SCAF11: variants seen among roughly 807,000 people sequenced by gnomAD.
The protein encoded by SCAF11 is SR-related CTD associated factor 11.
SCAF11 carries 47 observed loss-of-function variants against 140.5 expected under a neutral mutation model. The observed-to-expected ratio is 0.33, with a 90% CI of 0.26 to 0.43. The LOEUF is 0.43. Among genes scored for constraint, SCAF11 ranks in the 20% least tolerant of loss-of-function variants. The probability of loss-of-function intolerance (pLI) is 1.00; values close to 1 mark genes in which losing one functional copy is unlikely to be tolerated. For missense variants in SCAF11, 1,645 were observed against 1,705.1 expected, an observed-to-expected ratio of 0.96 and a Z score of 0.62; for synonymous variants, 557 against 579.4, an observed-to-expected ratio of 0.96 and a Z score of 0.55.
chr12:45,924,749 T>C lies in SCAF11; in HGVS notation c.3885A>G (p.Gln1295=). The C allele has an allele frequency of 1.9e-6, 3 of 1,608,994 alleles. No homozygotes were observed. Among genetic ancestry groups the C allele is most frequent in the Middle Eastern group, 1.7e-4 (1 of 6,052 alleles). ...ATACCTGCAATTGCTTTCCATCTGGTTGTGAAGCAATGTAGTTGACTTGTT... is the reference window on the plus strand; with the variant it reads ...ATACCTGCAATTGCTTTCCATCTGGCTGTGAAGCAATGTAGTTGACTTGTT... ...PSQQVNYIAS[Q]PDGKQLQGIP... is the part of the protein sequence containing the mutation. Residue 1295 remains glutamine, a synonymous_variant, in exon 12 of 15, where the codon CAA becomes CAG. Coordinates refer to ENST00000369367, the MANE Select transcript of SCAF11 (RefSeq NM_004719.3).
At chr12:45,983,786 A>ACACACACACACAC (rs1555172663) in intron 1 of SCAF11, among the ~76,000 whole-genome samples, 4 of 47,358 alleles carry the variant, frequency 8.4e-5, no homozygotes, top group Non-Finnish European at 2.7e-4. Flanking sequence ...CACACACACA[A>ACACACACACACAC]AGACTGAACT....
rs1944713698 is a variant in SCAF11 at position 45,921,553 on chromosome 12, T to C, written c.*495A>G. 2 of 152,336 alleles carry C rather than the reference T, an allele frequency of 1.3e-5. No homozygotes were observed. Among genetic ancestry groups the C allele is most frequent in the African/African-American group, 4.8e-5 (2 of 41,458 alleles). The allele number at this position is 152,336 out of a possible 1,614,324, so 9.4% of individuals were successfully genotyped here. On this transcript the variant is annotated 3_prime_UTR_variant, in exon 15 of 15. Coordinates refer to ENST00000369367, the MANE Select transcript of SCAF11 (RefSeq NM_004719.3). Reference sequence around the variant, plus strand: ...CTTTAAAAATACACATTAGGAACTTTGCAACTGATATGTTCTATTTAATAT... The same window carrying C: ...CTTTAAAAATACACATTAGGAACTTCGCAACTGATATGTTCTATTTAATAT...
intron 13 of SCAF11, 42 bp downstream of exon 13, chr12:45,922,894 C>T (rs1399638028): frequency 6.4e-6 from 10 of 1,554,086 alleles, no homozygotes; most frequent in Middle Eastern, 1.7e-4. Flanking sequence ...TCTCCTTTAT[C>T]ATATACAGAA....
At chr12:45,984,823 T>C (rs1287678930) in intron 1 of SCAF11, among the ~76,000 whole-genome samples, 1 of 152,126 alleles carries the variant, frequency 6.6e-6, no homozygotes, top group East Asian at 1.9e-4. Context: ...GCCTCCCATG[T>C]AGCTGGGATT....
At chr12:45,932,833 G>C (rs920417402) in intron 9 of SCAF11, among the ~76,000 whole-genome samples, 1 of 152,064 alleles carries the variant, frequency 6.6e-6, no homozygotes, top group Non-Finnish European at 1.5e-5. Flanking sequence ...GAAGAGTAGA[G>C]GAATGATGAC....
chr12:45,961,643 T>C (rs1945833230), intron 3 of SCAF11, 57 bp downstream of exon 3: 3 of 1,405,254 alleles, frequency 2.1e-6, no homozygotes, highest in Non-Finnish European at 1.9e-6. Flanking sequence ...GTATCAACTC[T>C]TTAGGTGAAA....
At chr12:45,983,599 T>C (rs1946393229) in intron 1 of SCAF11, among the ~76,000 whole-genome samples, 1 of 152,134 alleles carries the variant, frequency 6.6e-6, no homozygotes, top group Non-Finnish European at 1.5e-5. Flanking sequence ...AGTTAGCTGC[T>C]ATTACCACTG....
chr12:45,944,580 G>A (rs909812651), intron 6 of SCAF11, among the ~76,000 whole-genome samples: 11 of 152,078 alleles, frequency 7.2e-5, no homozygotes, highest in African/African-American at 2.4e-4. Flanking sequence ...CCACCTCCTC[G>A]CTTACAAACA....
intron 6 of SCAF11, among the ~76,000 whole-genome samples, chr12:45,941,786 G>A (rs1327542237): frequency 3.3e-5 from 5 of 152,124 alleles, no homozygotes; most frequent in Admixed American, 1.3e-4. Context: ...TTTCAAGTAC[G>A]ATGCAGCTGA....
At chr12:45,980,557 A>C (rs578160608) in intron 1 of SCAF11, among the ~76,000 whole-genome samples, 1 of 152,300 alleles carries the variant, frequency 6.6e-6, no homozygotes, top group East Asian at 1.9e-4. Context: ...AAATTCAGAT[A>C]ATCAGGCTCC....
intron 1 of SCAF11, among the ~76,000 whole-genome samples, chr12:45,983,380 G>C (rs546904231): frequency 8.3e-4 from 126 of 152,244 alleles, no homozygotes; most frequent in African/African-American, 2.9e-3. Context: ...CTGGAGTTCA[G>C]AACTATGGGT....
At chr12:45,924,042 G>A (rs1289522597) in intron 12 of SCAF11, among the ~76,000 whole-genome samples, 1 of 152,070 alleles carries the variant, frequency 6.6e-6, no homozygotes, top group Non-Finnish European at 1.5e-5. Flanking sequence ...GTAGAGGCAG[G>A]GTTTCACCAT....
At chr12:45,986,683 C>A (rs11614588) in intron 1 of SCAF11, among the ~76,000 whole-genome samples, 1 of 152,206 alleles carries the variant, frequency 6.6e-6, no homozygotes, top group African/African-American at 2.4e-5. Context: ...CCATAATTCC[C>A]ACGTGTTGTG....
chr12:45,939,512 A>G (rs1480039653), intron 6 of SCAF11, among the ~76,000 whole-genome samples: 1 of 152,148 alleles, frequency 6.6e-6, no homozygotes, highest in African/African-American at 2.4e-5. Context: ...CCTGACCAAC[A>G]TGGTGAAATT....
intron 1 of SCAF11, among the ~76,000 whole-genome samples, chr12:45,970,345 T>C (rs1171852766): frequency 6.6e-6 from 1 of 152,164 alleles, no homozygotes; most frequent in Non-Finnish European, 1.5e-5. Context: ...TAGTGATATT[T>C]TGTCAAAAAG....
chr12:45,953,212 T>C (rs557723308), intron 3 of SCAF11, among the ~76,000 whole-genome samples: 1 of 152,218 alleles, frequency 6.6e-6, no homozygotes, highest in Non-Finnish European at 1.5e-5. Context: ...AAACTTGACC[T>C]TAAGAAGGTT....
At chr12:45,984,726 A>G (rs960765377) in intron 1 of SCAF11, among the ~76,000 whole-genome samples, 2 of 130,528 alleles carry the variant, frequency 1.5e-5, no homozygotes, top group African/African-American at 6.1e-5. Flanking sequence ...GTGGAGTCTC[A>G]CTTTGTCGCC....
intron 1 of SCAF11, among the ~76,000 whole-genome samples, chr12:45,989,581 TG>T (rs1230486187): frequency 2.0e-5 from 3 of 152,242 alleles, no homozygotes; most frequent in Non-Finnish European, 4.4e-5. Flanking sequence ...TACGTGTTGG[TG>T]GCAAGACCGC....
chr12:45,922,955 T>C lies in SCAF11; in HGVS notation c.4106A>G (p.Asp1369Gly), dbSNP rs1944749864. ...KVSVAVEASA[D>G]SSKTDKKLQI... ...ACTTGCCTTGTCTGTCTTCGAGCTATCTGCGCTGGCTTCCACTGCAACACT... is the reference window on the plus strand; with the variant it reads ...ACTTGCCTTGTCTGTCTTCGAGCTACCTGCGCTGGCTTCCACTGCAACACT... The change falls in exon 13 of 15, where the codon GAT (aspartate) becomes GGT (glycine). Residue 1369 changes from aspartate to glycine, a missense_variant. By Grantham distance (94) the Asp-to-Gly change is moderately conservative (BLOSUM62 -1). Transcript: ENST00000369367. The C allele has an allele frequency of 6.2e-7, 1 of 1,614,214 alleles. No homozygotes were observed. Among genetic ancestry groups the C allele is most frequent in the Non-Finnish European group, 8.5e-7 (1 of 1,180,016 alleles).
Sources: allele counts gnomAD v4.1 joint callset (sites outside exome capture counted in the v4.1 genomes callset), GRCh38; gene constraint gnomAD v4.1.1; transcripts MANE v1.5; gene names NCBI Gene and HGNC (gene_info 2026-07-23, HGNC 2026-07-21).